The following MAP4 variants were observed in gnomAD, a reference collection of about 807,000 sequenced individuals.
MAP4 encodes the protein microtubule-associated protein 4.
In MAP4, 76 loss-of-function variants were observed where a neutral mutation model predicts 170.2. The ratio of observed to expected loss-of-function variants is 0.45; its 90% CI spans 0.37 to 0.54. The LOEUF is 0.54. Ranked by LOEUF, MAP4 falls within the 20% of genes least tolerant of loss-of-function variation. The pLI, the probability that MAP4 is intolerant of heterozygous loss-of-function variation, is 0.00. For missense variants in MAP4, 2,506 were observed against 2,748.0 expected, an observed-to-expected ratio of 0.91 and a Z score of 1.97; for synonymous variants, 909 against 994.5, an observed-to-expected ratio of 0.91 and a Z score of 1.62.
At chr3:47,903,575 T>C (rs1247353583) in intron 9 of MAP4, among the ~76,000 whole-genome samples, 2 of 151,866 alleles carry the variant, frequency 1.3e-5, no homozygotes, top group Non-Finnish European at 2.9e-5. Context: ...AAGTTGAGCT[T>C]AGACTTCCTG....
At chr3:48,062,644 T>C (rs1319081981) in intron 1 of MAP4, among the ~76,000 whole-genome samples, 1 of 151,288 alleles carries the variant, frequency 6.6e-6, no homozygotes, top group Non-Finnish European at 1.5e-5. Context: ...ACAATGTGGC[T>C]GGGCGTGGTG....
chr3:47,898,658 C>CA (rs1343142678), intron 10 of MAP4, among the ~76,000 whole-genome samples: 16 of 152,114 alleles, frequency 1.1e-4, no homozygotes, highest in African/African-American at 2.9e-4. Flanking sequence ...TAGTAAAACT[C>CA]AAGAAAGACT....
chr3:48,057,636 A>G (rs1463441979), intron 1 of MAP4, among the ~76,000 whole-genome samples: 5 of 138,216 alleles, frequency 3.6e-5, no homozygotes, highest in Admixed American at 2.1e-4. Context: ...TAAATAAAAA[A>G]GAAAAAAAAG....
intron 17 of MAP4, among the ~76,000 whole-genome samples, chr3:47,864,683 A>T (rs2151365087): frequency 6.6e-6 from 1 of 152,222 alleles, no homozygotes; most frequent in Non-Finnish European, 1.5e-5. Context: ...TCTCAAAAAT[A>T]AAATAATAAC....
At chr3:47,947,835 AAAAAG>A (rs1172540126) in intron 3 of MAP4, among the ~76,000 whole-genome samples, 5 of 151,924 alleles carry the variant, frequency 3.3e-5, no homozygotes, top group African/African-American at 4.8e-5. Flanking sequence ...GAAAAAAGAA[AAAAAG>A]AAAAGAAAAC....
intron 2 of MAP4, among the ~76,000 whole-genome samples, chr3:47,995,893 A>C (rs1221341021): frequency 1.3e-5 from 2 of 152,174 alleles, no homozygotes; most frequent in African/African-American, 4.8e-5. Flanking sequence ...AGGTAAGAAA[A>C]ATTCAAGTAA....
Position 47,910,471 on chromosome 3 carries a change from G to A in MAP4, c.3950C>T (p.Pro1317Leu), listed in dbSNP as rs2100035423. Reference protein sequence around the residue: ...STVKASTVTEPPAKVTDVSCQ... With the variant: ...STVKASTVTELPAKVTDVSCQ... ...GCTCACATCTGTCACCTTGGCAGGT[G>A]GTTCAGTAACAGTAGAAGCCTTGAC... is the stretch of plus-strand genomic sequence containing the variant. The change falls in exon 9 of 21, where the codon CCA (proline) becomes CTA (leucine). Residue 1317 changes from proline (P) to leucine (L), a missense_variant. By Grantham distance (98) the Pro-to-Leu change is moderately conservative. Transcript: ENST00000683076. 3 of 1,536,062 alleles carry A rather than the reference G, an allele frequency of 2.0e-6. No homozygotes were observed. Among genetic ancestry groups the A allele is most frequent in the East Asian group, 4.9e-5 (2 of 40,920 alleles).
intron 10 of MAP4, among the ~76,000 whole-genome samples, chr3:47,883,525 A>G (rs1388186066): frequency 6.6e-6 from 1 of 152,062 alleles, no homozygotes; most frequent in Non-Finnish European, 1.5e-5. Flanking sequence ...ATACCTGGCT[A>G]TTTCCATATT....
chr3:48,045,226 C>CT (rs2100123815), intron 1 of MAP4, among the ~76,000 whole-genome samples: 1 of 147,052 alleles, frequency 6.8e-6, no homozygotes, highest in Non-Finnish European at 1.5e-5. Context: ...CCACTGTGTT[C>CT]CAGCCTGGGT....
intron 1 of MAP4, among the ~76,000 whole-genome samples, chr3:48,010,942 T>C (rs2100104929): frequency 6.6e-6 from 1 of 152,192 alleles, no homozygotes; most frequent in African/African-American, 2.4e-5. Context: ...GACAGCCTAC[T>C]GTGGGACCTT....
chr3:48,067,780 T>C (rs2100139030), intron 1 of MAP4, among the ~76,000 whole-genome samples: 1 of 151,942 alleles, frequency 6.6e-6, no homozygotes, highest in Non-Finnish European at 1.5e-5. Context: ...GCTGGGATTA[T>C]AGGCATGCAC....
Position 47,910,604 on chromosome 3 carries a change from A to G in MAP4, c.3817T>C (p.Ser1273Pro), listed in dbSNP as rs1427065286. The G allele has an allele frequency of 6.5e-7, 1 of 1,536,104 alleles. No homozygotes were observed. The highest frequency in any genetic ancestry group is 1.2e-5 in the South Asian group (1 of 84,058). ...ACTGTGGGTGTATCTGGTGTATGTG[A>G]GAACGAAGAATCATGCATTTTGGGG... The part of the protein sequence containing the change: ...TFPKMHDSSF[S>P]HTPDTPTVEA... Residue 1273 changes from serine (S) to proline (P), a missense_variant, in exon 9 of 21, where the codon TCA (serine) becomes CCA (proline). Around this residue, in one of 3 missense-constraint regions of MAP4, gnomAD observed 2,008 missense variants for 2,206.0 expected, o/e 0.91. Transcript: ENST00000683076.
At position 47,998,710 on chromosome 3, in the gene MAP4, G is replaced by C; in HGVS notation, c.151C>G (p.Leu51Val). The change falls in exon 2 of 21, where the codon CTG becomes GTG. Residue 51 changes from leucine (L) to valine (V), a missense_variant. Leu to Val is a conservative substitution (Grantham distance 32, BLOSUM62 1). This residue lies in a region of MAP4 where 2,008 missense variants were observed against 2,206.0 expected (regional missense o/e 0.91). Transcript: ENST00000683076. ...TVGKTDYIPLLDVDEKTGNSE... is the reference protein window; with the variant it reads ...TVGKTDYIPLVDVDEKTGNSE... Reference sequence around the variant, plus strand: ...TTCCCGGTTTTCTCATCAACATCCAGGAGAGGAATATAGTCTGTTTTTCCA... The same window carrying C: ...TTCCCGGTTTTCTCATCAACATCCACGAGAGGAATATAGTCTGTTTTTCCA... 1 of 1,614,126 alleles carries C rather than the reference G, an allele frequency of 6.2e-7. No individual in the cohort carries two copies. The highest frequency in any genetic ancestry group is 1.1e-5 in the South Asian group (1 of 91,086).
chr3:48,071,291 CA>C (rs2100140890), intron 1 of MAP4, among the ~76,000 whole-genome samples: 1 of 151,794 alleles, frequency 6.6e-6, no homozygotes, highest in Admixed American at 6.6e-5. Context: ...GCTGTAATCC[CA>C]GAACTCTGGG....
chr3:47,880,465 G>GTTTTT (rs3079393), intron 10 of MAP4, among the ~76,000 whole-genome samples: 6 of 106,070 alleles, frequency 5.7e-5, no homozygotes, highest in Non-Finnish European at 7.3e-5. Flanking sequence ...TCCAATTTCA[G>GTTTTT]TTTTTTTTTT....
intron 10 of MAP4, among the ~76,000 whole-genome samples, chr3:47,898,817 G>A (rs938129623): frequency 2.0e-5 from 3 of 152,160 alleles, no homozygotes; most frequent in Non-Finnish European, 4.4e-5. Flanking sequence ...TTAGCCAGGT[G>A]TGGTGGTGCA....
At chr3:47,922,987 T>C (rs2100043831) in intron 4 of MAP4, among the ~76,000 whole-genome samples, 1 of 150,986 alleles carries the variant, frequency 6.6e-6, no homozygotes, top group African/African-American at 2.4e-5. Flanking sequence ...GAGGCAGAGG[T>C]GGCAGTGAGC....
intron 5 of MAP4, among the ~76,000 whole-genome samples, chr3:47,919,409 G>A (rs902151296): frequency 2.0e-5 from 3 of 152,012 alleles, no homozygotes; most frequent in African/African-American, 7.3e-5. Context: ...CCAGGTTCAC[G>A]CCATTCTCCT....
Position 47,977,341 on chromosome 3 carries a change from A to T in MAP4, c.292+524T>A, listed in dbSNP as rs542336734. ...ACCCACAGAAACTCAATGCTAACTGAAAGAATATCAAAACCCTAGTAAAGA... is the reference window on the plus strand; with the variant it reads ...ACCCACAGAAACTCAATGCTAACTGTAAGAATATCAAAACCCTAGTAAAGA... On this transcript the variant is annotated intron_variant, in intron 3 of 20. Coordinates refer to ENST00000683076, the MANE Select transcript of MAP4 (RefSeq NM_001385682.1). Among the ~76,000 whole-genome samples, 39 of 152,322 alleles carry T rather than the reference A, an allele frequency of 2.6e-4. 1 individual carries two copies. Among genetic ancestry groups the T allele is most frequent in the Admixed American group, 2.3e-3 (35 of 15,294 alleles).
Sources: gnomAD v4.1 joint callset for allele counts (sites outside exome capture counted in the v4.1 genomes callset) on GRCh38, gnomAD v4.1.1 for gene constraint, gnomAD v4.1.1 regional missense constraint, MANE v1.5 for transcripts, NCBI Gene and HGNC (gene_info 2026-07-23, HGNC 2026-07-21) for gene names.